Variants in TNR observed in about 807,000 individuals in gnomAD.
TNR encodes tenascin-R.
TNR carries 45 observed loss-of-function variants against 150.4 expected under a neutral mutation model. The ratio of observed to expected loss-of-function variants is 0.30; its 90% CI spans 0.24 to 0.38. The LOEUF (loss-of-function observed/expected upper bound fraction) is 0.38. Ranked by LOEUF, TNR falls within the 10% of genes least tolerant of loss-of-function variation. The pLI, the probability that TNR is intolerant of heterozygous loss-of-function variation, is 1.00. For missense variants in TNR, 1,544 were observed against 1,759.1 expected (o/e 0.88, Z 2.19); for synonymous variants, 687 against 678.4 (o/e 1.01, Z -0.20).
intron 1 of TNR, among the ~76,000 whole-genome samples, chr1:175,555,277 T>C (rs1033918052): frequency 6.6e-6 from 1 of 152,132 alleles, no homozygotes; most frequent in Non-Finnish European, 1.5e-5. Context: ...GTAGTCAAAT[T>C]CTTGCAAGTG....
At chr1:175,645,728 G>C (rs980843209) in intron 1 of TNR, among the ~76,000 whole-genome samples, 3 of 152,174 alleles carry the variant, frequency 2.0e-5, no homozygotes, top group African/African-American at 4.8e-5. Flanking sequence ...ACAAGAGTCA[G>C]GGAGAGAATT....
chr1:175,375,663 C>T (rs1652344347), intron 9 of TNR, among the ~76,000 whole-genome samples: 1 of 152,048 alleles, frequency 6.6e-6, no homozygotes. Context: ...TCAGAGACAA[C>T]GGCTTCTGCA....
intron 18 of TNR, among the ~76,000 whole-genome samples, chr1:175,345,040 G>A (rs921214794): frequency 1.3e-5 from 2 of 151,632 alleles, no homozygotes; most frequent in Non-Finnish European, 2.9e-5. Context: ...CCCGGGAGAC[G>A]GAGGTTGCAG....
intron 2 of TNR, among the ~76,000 whole-genome samples, chr1:175,524,082 A>T (rs998596945): frequency 2.6e-5 from 4 of 151,976 alleles, no homozygotes; most frequent in Non-Finnish European, 5.9e-5. Flanking sequence ...CCCTCCCCCA[A>T]GACAGGGCTA....
chr1:175,689,588 C>G (rs1666298946), intron 1 of TNR, among the ~76,000 whole-genome samples: 1 of 152,138 alleles, frequency 6.6e-6, no homozygotes, highest in African/African-American at 2.4e-5. Context: ...ACTTCTGGAT[C>G]CTTGTTACAG....
chr1:175,424,806 C>T (rs1031269692), intron 2 of TNR, among the ~76,000 whole-genome samples: 24 of 152,098 alleles, frequency 1.6e-4, no homozygotes, highest in African/African-American at 5.6e-4. Context: ...TGGGCTGGAA[C>T]GGACAGTGGC....
chr1:175,505,474 G>T (rs895753540), intron 2 of TNR, among the ~76,000 whole-genome samples: 1 of 152,176 alleles, frequency 6.6e-6, no homozygotes, highest in Admixed American at 6.5e-5. Context: ...TCAGCAACCC[G>T]CCTCACTACA....
At chr1:175,346,074 G>T (rs1043657036) in intron 18 of TNR, among the ~76,000 whole-genome samples, 3 of 152,038 alleles carry the variant, frequency 2.0e-5, no homozygotes, top group African/African-American at 4.8e-5. Flanking sequence ...TTTGATATCT[G>T]ATTAAATTAC....
chr1:175,580,846 A>AAT (rs1420647261), intron 1 of TNR, among the ~76,000 whole-genome samples: 1 of 152,194 alleles, frequency 6.6e-6, no homozygotes, highest in East Asian at 1.9e-4. Context: ...TTGCTTTAAA[A>AAT]ATTCTCAATA....
At chr1:175,540,884 A>C (rs1320004455) in intron 1 of TNR, among the ~76,000 whole-genome samples, 1 of 152,026 alleles carries the variant, frequency 6.6e-6, no homozygotes, top group Non-Finnish European at 1.5e-5. Context: ...TTTCTTCTTA[A>C]ACCTCTCAAG....
chr1:175,499,847 C>T (rs900359179), intron 2 of TNR, among the ~76,000 whole-genome samples: 12 of 152,288 alleles, frequency 7.9e-5, no homozygotes, highest in African/African-American at 2.9e-4. Context: ...CTCTGCCTCT[C>T]CTCCCAGTCA....
At chr1:175,640,123 G>A (rs1372335901) in intron 1 of TNR, among the ~76,000 whole-genome samples, 1 of 152,230 alleles carries the variant, frequency 6.6e-6, no homozygotes, top group African/African-American at 2.4e-5. Flanking sequence ...GGTGACATGA[G>A]TAAATAGGTA....
At chr1:175,417,087 G>T (rs1191320252) in intron 2 of TNR, among the ~76,000 whole-genome samples, 1 of 140,376 alleles carries the variant, frequency 7.1e-6, no homozygotes, top group African/African-American at 2.5e-5. Flanking sequence ...AATCTAAGAA[G>T]TGGTCTCTTC....
At chr1:175,566,712 T>A (rs1661658302) in intron 1 of TNR, among the ~76,000 whole-genome samples, 1 of 152,244 alleles carries the variant, frequency 6.6e-6, no homozygotes, top group Admixed American at 6.5e-5. Flanking sequence ...AGGCAGCTGC[T>A]GAATGAGGCA....
intron 2 of TNR, among the ~76,000 whole-genome samples, chr1:175,461,310 A>G (rs986009729): frequency 2.0e-5 from 3 of 152,220 alleles, no homozygotes; most frequent in Admixed American, 6.5e-5. Flanking sequence ...GTGTCCGGAA[A>G]GATGCAATTT....
chr1:175,459,281 C>T (rs1338508863), intron 2 of TNR, among the ~76,000 whole-genome samples: 1 of 152,148 alleles, frequency 6.6e-6, no homozygotes, highest in Admixed American at 6.5e-5. Context: ...GACACCATCA[C>T]CATTGCTACC....
At chr1:175,534,610 A>T (rs951059733) in intron 1 of TNR, among the ~76,000 whole-genome samples, 1 of 152,204 alleles carries the variant, frequency 6.6e-6, no homozygotes, top group African/African-American at 2.4e-5. Flanking sequence ...TCCATTATTC[A>T]TAATTCAGGA....
chr1:175,437,446 C>A (rs1467361965), intron 2 of TNR, among the ~76,000 whole-genome samples: 1 of 152,064 alleles, frequency 6.6e-6, no homozygotes, highest in Non-Finnish European at 1.5e-5. Context: ...AAATTGACAC[C>A]CTAACATCAC....
chr1:175,728,703 G>C (rs1319114874), intron 1 of TNR, among the ~76,000 whole-genome samples: 1 of 152,210 alleles, frequency 6.6e-6, no homozygotes, highest in East Asian at 1.9e-4. Flanking sequence ...ACAGCAACTG[G>C]CTGCAATCAG....
Sources: allele counts gnomAD v4.1 joint callset (sites outside exome capture counted in the v4.1 genomes callset), GRCh38; gene constraint gnomAD v4.1.1; transcripts MANE v1.5; gene names NCBI Gene and HGNC (gene_info 2026-07-23, HGNC 2026-07-21).